Variants in CRYBB3 observed in about 807,000 individuals in gnomAD.
CRYBB3 encodes the protein beta-crystallin B3.
Under a neutral mutation model 28.3 loss-of-function variants are expected in CRYBB3, and 35 were observed. That is an observed-to-expected ratio of 1.24 (90% CI 0.95 to 1.64). CRYBB3 has a LOEUF of 1.64. CRYBB3 is among the 40% of genes most tolerant of loss of function. CRYBB3 has a pLI of 0.00. For missense variants in CRYBB3, 296 were observed against 297.4 expected (o/e 1.00, Z 0.04); for synonymous variants, 106 against 110.4 (o/e 0.96, Z 0.25).
chr22:25,206,915 G>A, intron 5 of CRYBB3, 132 bp from the exon 6 acceptor site: 1 of 776,572 alleles, frequency 1.3e-6, no homozygotes. Flanking sequence ...AGGGTAAAGA[G>A]TTTGGATTCA....
In CRYBB3 at chr22:25,207,060, G is replaced by A. The variant is rs2146076642; in HGVS notation, c.484G>A (p.Glu162Lys). 2 of 1,613,660 alleles carry A rather than the reference G, an allele frequency of 1.2e-6. No homozygotes were observed. Among genetic ancestry groups the A allele is most frequent in the East Asian group, 2.2e-5 (1 of 44,874 alleles). Reference sequence around the variant, plus strand: ...GTCTCCCGGCAGGTGGGTTGGCTATGAGTTCCCCGGCTACCGTGGGCGCCA... The same window carrying A: ...GTCTCCCGGCAGGTGGGTTGGCTATAAGTTCCCCGGCTACCGTGGGCGCCA... Reference protein sequence around the residue: ...RAINGTWVGYEFPGYRGRQYV... With the variant: ...RAINGTWVGYKFPGYRGRQYV... The change falls in exon 6 of 6, where the codon GAG becomes AAG. Residue 162 changes from glutamate to lysine, a missense_variant. Coordinates refer to ENST00000215855, the MANE Select transcript of CRYBB3 (RefSeq NM_004076.5).
chr22:25,202,767 G>A lies in CRYBB3; in HGVS notation c.169G>A (p.Gly57Ser), dbSNP rs1295329467. 2 of 1,614,064 alleles carry A rather than the reference G, an allele frequency of 1.2e-6. No individual in the cohort carries two copies. The highest frequency in any genetic ancestry group is 1.3e-5 in the African/African-American group (1 of 75,034). ...GACCGACAGCCTGCTGGAGAAGGTG[G>A]GCTCCATCCAAGTGGAGTCCGGGCC... The part of the protein sequence containing the change: ...SLTDSLLEKV[G>S]SIQVESGPWL... Residue 57 changes from glycine (G) to serine (S), a missense_variant, in exon 3 of 6, where the codon GGC becomes AGC. Coordinates refer to ENST00000215855, the MANE Select transcript of CRYBB3 (RefSeq NM_004076.5).
In CRYBB3 at chr22:25,202,799, A is replaced by G. The variant is rs1934971726; in HGVS notation, c.194+7A>G. 2 of 1,613,450 alleles carry G rather than the reference A, an allele frequency of 1.2e-6. No homozygotes were observed. The highest frequency in any genetic ancestry group is 2.7e-5 in the African/African-American group (2 of 75,026). On this transcript the variant is annotated splice_region_variant and intron_variant, in intron 3 of 5. Transcript: ENST00000215855. ...TCCAAGTGGAGTCCGGGCCGTGAGT[A>G]CCTAGACCCCCAGTCCCTCGCCACA... is the stretch of plus-strand genomic sequence containing the variant.
chr22:25,201,549 C>T lies in CRYBB3; in HGVS notation c.75+78C>T, dbSNP rs150327844. ...TCATCTTCCCAGCCAAGCAGCACCT[C>T]TGCAGGAAGGAAGAGCCATCCTTCC... On this transcript the variant is annotated intron_variant, in intron 2 of 5. Transcript: ENST00000215855. 2.6e-5 allele frequency: 41 copies of T among 1,577,504 alleles called. No individual in the cohort carries two copies. In the Admixed American group the frequency reaches 4.1e-4, roughly 16 times the overall value.
rs1935028532 is a variant in CRYBB3 at position 25,206,059 on chromosome 22, C to T, written c.470+697C>T. On this transcript the variant is annotated intron_variant, in intron 5 of 5. Transcript: ENST00000215855. ...TCCCTCTTTCTAGGCTTAATATCAC[C>T]GTTGATGCAGTCTTAGGATCACCTG... Among the ~76,000 whole-genome samples, 3 of 152,248 alleles carry T rather than the reference C, an allele frequency of 2.0e-5. No homozygotes were observed. The South Asian group carries it at 6.2e-4, about 32-fold the overall frequency.
intron 4 of CRYBB3, 115 bp downstream of exon 4, chr22:25,204,010 C>A: frequency 7.9e-7 from 1 of 1,258,176 alleles, no homozygotes; most frequent in Non-Finnish European, 1.2e-6. Flanking sequence ...TGGACCTGGC[C>A]TGGGAAGGGC....
intron 5 of CRYBB3, among the ~76,000 whole-genome samples, chr22:25,205,917 T>C (rs1468985841): frequency 1.3e-5 from 2 of 152,194 alleles, no homozygotes; most frequent in Non-Finnish European, 2.9e-5. Context: ...ACCCTTGAAC[T>C]GATTCTTGAA....
intron 4 of CRYBB3, among the ~76,000 whole-genome samples, chr22:25,204,457 A>C (rs553190959): frequency 2.0e-5 from 3 of 152,100 alleles, no homozygotes; most frequent in African/African-American, 7.2e-5. Context: ...TCGCTCTGTC[A>C]CCCAGGCTGG....
At chr22:25,200,448 G>GGAGA (rs139965114) in intron 1 of CRYBB3, among the ~76,000 whole-genome samples, 6 of 150,672 alleles carry the variant, frequency 4.0e-5, no homozygotes, top group South Asian at 2.1e-4. Flanking sequence ...GTGTGTGTGA[G>GGAGA]GAGAGAGAGA....
intron 4 of CRYBB3, 104 bp from the exon 5 acceptor site, chr22:25,205,116 G>A (rs2146074963): frequency 6.7e-7 from 1 of 1,484,644 alleles, no homozygotes; most frequent in South Asian, 1.2e-5. Context: ...TTGGGGGTGG[G>A]TGTTATTTTG....
chr22:25,207,107 G>C lies in CRYBB3; in HGVS notation c.531G>C (p.Glu177Asp). 2 of 1,613,278 alleles carry C rather than the reference G, an allele frequency of 1.2e-6. No individual in the cohort carries two copies. The highest frequency in any genetic ancestry group is 2.7e-5 in the African/African-American group (2 of 75,042). ...RGRQYVFERG[E>D]YRHWNEWDAS... is the part of the protein sequence containing the mutation. ...GCCAGTACGTGTTTGAGCGGGGCGA[G>C]TACCGCCACTGGAATGAGTGGGACG... is the stretch of plus-strand genomic sequence containing the variant. Residue 177 changes from glutamate (E) to aspartate (D), a missense_variant, in exon 6 of 6, where the codon GAG (glutamate) becomes GAC (aspartate). Glu to Asp is a conservative substitution (Grantham distance 45). Transcript: ENST00000215855.
At chr22:25,200,178 G>A in intron 1 of CRYBB3, among the ~76,000 whole-genome samples, 1 of 152,066 alleles carries the variant, frequency 6.6e-6, no homozygotes, top group East Asian at 1.9e-4. Context: ...GAGGGGAGTG[G>A]GCACACATGG....
Position 25,203,835 on chromosome 22 carries a change from G to A in CRYBB3, c.267G>A (p.Trp89Ter), listed in dbSNP as rs1250184223. ...FVLEKGDYPR[W>*]DAWSNSRDSD... is the part of the protein sequence containing the mutation. ...TGGAGAAGGGGGATTATCCTCGCTGGGATGCCTGGTCCAACAGCCGTGATA... is the reference window on the plus strand; with the variant it reads ...TGGAGAAGGGGGATTATCCTCGCTGAGATGCCTGGTCCAACAGCCGTGATA... The change falls in exon 4 of 6, where the codon TGG (tryptophan) becomes TGA (stop). Residue 89 changes from tryptophan to a stop codon, truncating the protein, a stop_gained. Coordinates refer to ENST00000215855, the MANE Select transcript of CRYBB3 (RefSeq NM_004076.5). LOFTEE classifies it high-confidence loss of function. The A allele has an allele frequency of 1.2e-6, 2 of 1,614,156 alleles. No homozygotes were observed. The highest frequency in any genetic ancestry group is 2.7e-5 in the African/African-American group (2 of 75,018).
chr22:25,204,858 G>A (rs904620905), intron 4 of CRYBB3, among the ~76,000 whole-genome samples: 2 of 152,160 alleles, frequency 1.3e-5, no homozygotes, highest in Non-Finnish European at 2.9e-5. Flanking sequence ...AGATTAAACC[G>A]GCATCTGGTT....
At chr22:25,201,205 G>A (rs1409056380) in intron 1 of CRYBB3, among the ~76,000 whole-genome samples, 172 bp from the exon 2 acceptor site, 2 of 152,156 alleles carry the variant, frequency 1.3e-5, no homozygotes, top group East Asian at 1.9e-4. Context: ...CTCAGTCCAC[G>A]TGGCCCATGG....
intron 1 of CRYBB3, among the ~76,000 whole-genome samples, chr22:25,200,770 T>G (rs1025225505): frequency 3.3e-5 from 5 of 152,152 alleles, no homozygotes; most frequent in African/African-American, 1.2e-4. Context: ...CTGGAGCAGG[T>G]GTCCAACGAC....
chr22:25,202,616 C>T, intron 2 of CRYBB3, 58 bp from the exon 3 acceptor site: 2 of 1,610,646 alleles, frequency 1.2e-6, no homozygotes, highest in South Asian at 2.2e-5. Context: ...AAAGGAGGGG[C>T]AGAGGCTGGA....
chr22:25,200,642 C>T (rs919951738), intron 1 of CRYBB3, among the ~76,000 whole-genome samples: 14 of 152,148 alleles, frequency 9.2e-5, no homozygotes, highest in African/African-American at 2.9e-4. Flanking sequence ...GCCTGTATTG[C>T]GTGTCACTGT....
At chr22:25,202,834 C>G in intron 3 of CRYBB3, 42 bp downstream of exon 3, 1 of 1,610,258 alleles carries the variant, frequency 6.2e-7, no homozygotes, top group East Asian at 2.2e-5. Flanking sequence ...AGCCCTGAGC[C>G]TTCTGGGAGT....
Sources: allele counts gnomAD v4.1 joint callset (sites outside exome capture counted in the v4.1 genomes callset), GRCh38; gene constraint gnomAD v4.1.1; transcripts MANE v1.5; gene names NCBI Gene and HGNC (gene_info 2026-07-23, HGNC 2026-07-21).